Variants in GTPBP10 observed in about 807,000 individuals in gnomAD.
The protein encoded by GTPBP10 is GTP binding protein 10.
GTPBP10 carries 38 observed loss-of-function variants against 44.8 expected under a neutral mutation model. The ratio of observed to expected loss-of-function variants is 0.85; its 90% confidence interval spans 0.65 to 1.11. GTPBP10 has a LOEUF of 1.11. Ranked by LOEUF, GTPBP10 falls within the 50% of genes most tolerant of loss-of-function variation. The pLI is 0.00. For synonymous variants in GTPBP10, 152 were observed against 150.6 expected (o/e 1.01, Z -0.07); for missense variants, 462 against 453.7 (o/e 1.02, Z -0.17).
At chr7:90,368,458 C>T (rs1796181115) in intron 4 of GTPBP10, among the ~76,000 whole-genome samples, 1 of 152,164 alleles carries the variant, frequency 6.6e-6, no homozygotes, top group Non-Finnish European at 1.5e-5. Flanking sequence ...CACATAGTCC[C>T]ATATTTCTTG....
intron 1 of GTPBP10, among the ~76,000 whole-genome samples, chr7:90,350,864 G>A (rs754737338): frequency 8.5e-5 from 13 of 152,112 alleles, no homozygotes; most frequent in African/African-American, 1.7e-4. Flanking sequence ...TCTTTTTATC[G>A]TAGTGTCATG....
chr7:90,347,628 C>G (rs1447961310), intron 1 of GTPBP10: 1 of 242,228 alleles, frequency 4.1e-6, no homozygotes, highest in African/African-American at 2.3e-5. Context: ...TACGTAAGTC[C>G]TTTACCTACA....
intron 8 of GTPBP10, among the ~76,000 whole-genome samples, chr7:90,381,146 C>T (rs972255811): frequency 1.3e-5 from 2 of 152,106 alleles, no homozygotes; most frequent in African/African-American, 4.8e-5. Context: ...TGGATATATA[C>T]CCAGAAGTGG....
rs1796361044 is a variant in GTPBP10 at position 90,377,507 on chromosome 7, A to G, written c.592A>G (p.Ile198Val). ...GKIMYSDFKQISVADLPGLIE... is the reference protein window; with the variant it reads ...GKIMYSDFKQVSVADLPGLIE... The stretch of plus-strand genomic sequence containing the variant: ...CATTAACCATTTAACTTTGTATTAG[A>G]TATCAGTAGCTGATCTTCCGGGTTT... The change falls in exon 7 of 10, where the codon ATA becomes GTA. Residue 198 changes from isoleucine to valine, a missense_variant and splice_region_variant. Physicochemically the swap from Ile to Val is conservative, Grantham distance 29 (BLOSUM62 3). Coordinates refer to ENST00000222511, the MANE Select transcript of GTPBP10 (RefSeq NM_033107.4). 2 of 1,592,896 alleles carry G rather than the reference A, an allele frequency of 1.3e-6. No homozygotes were observed. Among genetic ancestry groups the G allele is most frequent in the South Asian group, 1.1e-5 (1 of 87,170 alleles).
chr7:90,351,931 C>G (rs966776152), intron 1 of GTPBP10, among the ~76,000 whole-genome samples: 4 of 152,150 alleles, frequency 2.6e-5, no homozygotes, highest in Middle Eastern at 3.2e-3. Flanking sequence ...CTCCTGAACT[C>G]GTGATCCGCC....
rs190591066 is a variant in GTPBP10 at position 90,358,980 on chromosome 7, G to A, written c.464+3750G>A. On this transcript the variant is annotated intron_variant, in intron 4 of 9. Transcript: ENST00000222511. ...AGATATGCATACAAATGGCCAATAC[G>A]CATATAAGAAAATGTTCAACATCAC... Among the ~76,000 whole-genome samples the A allele has an allele frequency of 9.5e-3, 1,449 of 152,204 alleles. 7 individuals are homozygous for A. The highest frequency in any genetic ancestry group is 0.014 in the Non-Finnish European group (976 of 68,006).
At position 90,378,712 on chromosome 7, in the gene GTPBP10, T is replaced by C. The variant is rs17869562; in HGVS notation, c.777+501T>C. On this transcript the variant is annotated intron_variant, in intron 8 of 9. Transcript: ENST00000222511. Reference sequence around the variant, plus strand: ...AGCTGATACCTAAATCTTTTCATTGTTCTTTCTTTTTTTTTGAGACAGAGT... The same window carrying C: ...AGCTGATACCTAAATCTTTTCATTGCTCTTTCTTTTTTTTTGAGACAGAGT... Among the ~76,000 whole-genome samples the C allele has an allele frequency of 3.7e-3, 559 of 152,210 alleles. 4 individuals are homozygous for C. The highest frequency in any genetic ancestry group is 0.013 in the African/African-American group (536 of 41,524).
At chr7:90,373,521 G>C (rs1485038825) in intron 5 of GTPBP10, among the ~76,000 whole-genome samples, 1 of 152,198 alleles carries the variant, frequency 6.6e-6, no homozygotes, top group South Asian at 2.1e-4. Context: ...GTGAAGTTTG[G>C]ACTAAGTGCT....
In GTPBP10 at chr7:90,348,432, A is replaced by G. The variant is rs557447247; in HGVS notation, c.33+1658A>G. On this transcript the variant is annotated intron_variant, in intron 1 of 9. Coordinates refer to ENST00000222511, the MANE Select transcript of GTPBP10 (RefSeq NM_033107.4). ...CAGTTGACACATATAAAATATATAT[A>G]TAGTATATACTGTATTCTTAAATTA... is the stretch of plus-strand genomic sequence containing the variant. 7.0e-4 allele frequency among the ~76,000 whole-genome samples: 107 copies of G among 152,350 alleles called. 1 individual carries two copies. Among genetic ancestry groups the G allele is most frequent in the Non-Finnish European group, 2.8e-4 (19 of 68,040 alleles).
intron 6 of GTPBP10, among the ~76,000 whole-genome samples, chr7:90,376,676 C>CA (rs1469204723): frequency 6.6e-6 from 1 of 152,132 alleles, no homozygotes; most frequent in Non-Finnish European, 1.5e-5. Flanking sequence ...AAAGTAATGC[C>CA]AAAACCACAG....
chr7:90,354,370 T>C (rs1225345197), intron 2 of GTPBP10, 88 bp from the exon 3 acceptor site: 1 of 563,684 alleles, frequency 1.8e-6, no homozygotes, highest in African/African-American at 2.0e-5. Flanking sequence ...TGATTGCTAC[T>C]CTTCTTTGTA....
chr7:90,371,119 T>G (rs1217403337), intron 4 of GTPBP10: 1 of 673,660 alleles, frequency 1.5e-6, no homozygotes, highest in Non-Finnish European at 1.8e-6. Flanking sequence ...TTGCATTGTT[T>G]AAAGTTATTT....
Position 90,384,990 on chromosome 7 carries a change from G to T in GTPBP10, c.1000G>T (p.Glu334Ter). The T allele has an allele frequency of 6.2e-7, 1 of 1,613,812 alleles. No homozygotes were observed. Among genetic ancestry groups the T allele is most frequent in the Non-Finnish European group, 8.5e-7 (1 of 1,179,852 alleles). ...ISAVTGEGIEELKNCIRKSLD... is the reference protein window; with the variant it reads ...ISAVTGEGIE ...TGCAGTTACTGGAGAAGGAATCGAAGAATTAAAGAATTGTATAAGAAAGTC... is the reference window on the plus strand; with the variant it reads ...TGCAGTTACTGGAGAAGGAATCGAATAATTAAAGAATTGTATAAGAAAGTC... Residue 334 changes from glutamate (E) to a stop codon, truncating the protein, a stop_gained, in exon 10 of 10, where the codon GAA becomes TAA. Transcript: ENST00000222511. LOFTEE classifies it high-confidence loss of function.
At chr7:90,359,274 T>G (rs975923168) in intron 4 of GTPBP10, among the ~76,000 whole-genome samples, 3 of 152,098 alleles carry the variant, frequency 2.0e-5, no homozygotes, top group African/African-American at 7.2e-5. Context: ...TAGGCATATC[T>G]CCTAATGCTA....
At position 90,385,150 on chromosome 7, in the gene GTPBP10, T is replaced by C. The variant is rs1465434513; in HGVS notation, c.1160T>C (p.Ile387Thr). ...HAVTTSKMDI[I>T] ...GTTACTACTTCCAAAATGGATATAA[T>C]TTAAATATATTAAAAATGGTATTGA... The change falls in exon 10 of 10, where the codon ATT becomes ACT. Residue 387 changes from isoleucine to threonine, a missense_variant. By Grantham distance (89) the Ile-to-Thr change is moderately conservative. Coordinates refer to ENST00000222511, the MANE Select transcript of GTPBP10 (RefSeq NM_033107.4). 2.5e-6 allele frequency: 4 copies of C among 1,586,030 alleles called. No homozygotes were observed. The highest frequency in any genetic ancestry group is 3.4e-6 in the Non-Finnish European group (4 of 1,164,110).
intron 1 of GTPBP10, among the ~76,000 whole-genome samples, chr7:90,350,384 G>A (rs973315850): frequency 9.9e-5 from 15 of 152,200 alleles, no homozygotes; most frequent in Admixed American, 2.0e-4. Flanking sequence ...TGTCTTTATA[G>A]TGGCATGATT....
chr7:90,377,201 G>A (rs1160449820), intron 6 of GTPBP10, among the ~76,000 whole-genome samples: 1 of 152,038 alleles, frequency 6.6e-6, no homozygotes, highest in Non-Finnish European at 1.5e-5. Context: ...TCCAGCCTGG[G>A]TGACAGAGCA....
At chr7:90,349,842 T>C (rs1322317735) in intron 1 of GTPBP10, among the ~76,000 whole-genome samples, 2 of 152,210 alleles carry the variant, frequency 1.3e-5, no homozygotes, top group Non-Finnish European at 2.9e-5. Context: ...TGGGAACTCA[T>C]CTGCTGCCTC....
intron 4 of GTPBP10, among the ~76,000 whole-genome samples, chr7:90,369,391 C>T (rs923073979): frequency 1.3e-5 from 2 of 152,150 alleles, no homozygotes; most frequent in Non-Finnish European, 2.9e-5. Flanking sequence ...TCTGATATGC[C>T]CTGCCCAGAG....
Sources: gnomAD v4.1 joint callset for allele counts (sites outside exome capture counted in the v4.1 genomes callset) on GRCh38, gnomAD v4.1.1 for gene constraint, MANE v1.5 for transcripts, NCBI Gene and HGNC (gene_info 2026-07-23, HGNC 2026-07-21) for gene names.